The following ATRNL1 variants were observed in gnomAD, a reference collection of about 807,000 sequenced individuals.
ATRNL1 encodes attractin like 1.
A neutral mutation model predicts 182.7 loss-of-function variants in ATRNL1; 95 were observed. The observed-to-expected ratio is 0.52, with a 90% CI of 0.44 to 0.62. The LOEUF (loss-of-function observed/expected upper bound fraction) is 0.62, where lower values mean the gene tolerates loss of function less well. ATRNL1 is among the 20% of genes least tolerant of loss of function. The pLI is 0.00. For missense variants in ATRNL1, 1,471 were observed against 1,679.5 expected (o/e 0.88, Z 2.17); for synonymous variants, 576 against 568.3 (o/e 1.01, Z -0.19).
chr10:115,826,813 G>A (rs567951371), intron 27 of ATRNL1, among the ~76,000 whole-genome samples: 31 of 152,216 alleles, frequency 2.0e-4, no homozygotes, highest in African/African-American at 6.7e-4. Flanking sequence ...ATTAAAAAAT[G>A]ATAAAAAAGC....
At chr10:115,879,289 G>T (rs1459266633) in intron 28 of ATRNL1, among the ~76,000 whole-genome samples, 1 of 88,658 alleles carries the variant, frequency 1.1e-5, no homozygotes, top group African/African-American at 4.4e-5. Flanking sequence ...CCTGGGTGAC[G>T]TGCAACTCTC....
At chr10:115,132,074 T>C in intron 5 of ATRNL1, among the ~76,000 whole-genome samples, 1 of 139,084 alleles carries the variant, frequency 7.2e-6, no homozygotes, top group Non-Finnish European at 1.6e-5. Context: ...ATTCTATCCC[T>C]CCCCCCTCCC....
chr10:115,628,722 A>G (rs1858280160), intron 26 of ATRNL1, among the ~76,000 whole-genome samples: 1 of 152,098 alleles, frequency 6.6e-6, no homozygotes, highest in Non-Finnish European at 1.5e-5. Flanking sequence ...ATAATTAGGT[A>G]TTTGATCAAC....
At chr10:115,307,980 A>G (rs1278506669) in intron 17 of ATRNL1, among the ~76,000 whole-genome samples, 2 of 152,100 alleles carry the variant, frequency 1.3e-5, no homozygotes, top group Non-Finnish European at 2.9e-5. Flanking sequence ...TCTTTAAAAT[A>G]TTTTTATACT....
chr10:115,369,249 A>T (rs1317499268), intron 19 of ATRNL1, among the ~76,000 whole-genome samples: 4 of 134,208 alleles, frequency 3.0e-5, no homozygotes, highest in African/African-American at 8.3e-5. Flanking sequence ...TGTGATGAGG[A>T]TAGGGGTTGT....
intron 27 of ATRNL1, among the ~76,000 whole-genome samples, chr10:115,730,204 C>T (rs1947749232): frequency 7.7e-6 from 1 of 129,400 alleles, no homozygotes; most frequent in African/African-American, 3.0e-5. Flanking sequence ...TTGCAGTGAG[C>T]CAAGATTGCA....
intron 20 of ATRNL1, among the ~76,000 whole-genome samples, chr10:115,424,047 T>C (rs144079021): frequency 5.4e-4 from 82 of 152,286 alleles, no homozygotes; most frequent in African/African-American, 1.9e-3. Flanking sequence ...AAGGGATTAA[T>C]ATCCAGATAT....
chr10:115,914,007 G>A (rs557482348), intron 28 of ATRNL1, among the ~76,000 whole-genome samples: 1 of 152,198 alleles, frequency 6.6e-6, no homozygotes, highest in African/African-American at 2.4e-5. Context: ...TTTGGGGGAG[G>A]GACCTCATGG....
intron 27 of ATRNL1, among the ~76,000 whole-genome samples, chr10:115,744,927 A>G (rs192676254): frequency 2.6e-5 from 4 of 152,268 alleles, no homozygotes; most frequent in Admixed American, 1.3e-4. Context: ...AGAAAAATAT[A>G]TTATACAAAT....
At chr10:115,791,624 C>T (rs1369723006) in intron 27 of ATRNL1, among the ~76,000 whole-genome samples, 1 of 152,046 alleles carries the variant, frequency 6.6e-6, no homozygotes, top group Admixed American at 6.5e-5. Flanking sequence ...TAGATGAGTT[C>T]CTAGACCTAT....
At chr10:115,231,493 A>T (rs1554900002) in intron 9 of ATRNL1, among the ~76,000 whole-genome samples, 2 of 152,184 alleles carry the variant, frequency 1.3e-5, no homozygotes. Flanking sequence ...GAAACAGGGT[A>T]ACAAGTGGTA....
At chr10:115,801,520 A>G (rs1157019971) in intron 27 of ATRNL1, among the ~76,000 whole-genome samples, 1 of 152,138 alleles carries the variant, frequency 6.6e-6, no homozygotes, top group Non-Finnish European at 1.5e-5. Context: ...TTATCTTTGA[A>G]ATGCAGATTA....
chr10:115,871,397 T>G (rs1951576475), intron 28 of ATRNL1, among the ~76,000 whole-genome samples: 1 of 150,070 alleles, frequency 6.7e-6, no homozygotes, highest in Non-Finnish European at 1.5e-5. Flanking sequence ...TAAATCTCAC[T>G]GATAGGTTGA....
chr10:115,729,498 TGTG>T (rs1947721163), intron 27 of ATRNL1, among the ~76,000 whole-genome samples: 4 of 19,964 alleles, frequency 2.0e-4, no homozygotes, highest in Non-Finnish European at 7.9e-4. Flanking sequence ...CCCCATTTTG[TGTG>T]TGTGTGTGTG....
chr10:115,617,257 C>G (rs1857482131), intron 26 of ATRNL1, among the ~76,000 whole-genome samples: 1 of 152,208 alleles, frequency 6.6e-6, no homozygotes, highest in Non-Finnish European at 1.5e-5. Flanking sequence ...TGCATGGGGC[C>G]TGTAACCACT....
intron 27 of ATRNL1, among the ~76,000 whole-genome samples, chr10:115,728,602 A>G (rs1467507735): frequency 2.0e-5 from 3 of 152,182 alleles, no homozygotes; most frequent in African/African-American, 7.2e-5. Context: ...TACATATAAT[A>G]GATTCTGTCT....
At chr10:115,343,687 T>C (rs1052686023) in intron 19 of ATRNL1, among the ~76,000 whole-genome samples, 1 of 152,178 alleles carries the variant, frequency 6.6e-6, no homozygotes, top group Admixed American at 6.5e-5. Flanking sequence ...TTGATGCTAA[T>C]AGATGTTCTT....
intron 26 of ATRNL1, among the ~76,000 whole-genome samples, chr10:115,598,350 A>ATTATTTATTTATTTATTTATTTAT (rs35735636): frequency 6.0e-4 from 88 of 145,856 alleles, no homozygotes; most frequent in African/African-American, 2.0e-3. Context: ...ATTTAAAAAA[A>ATTATTTATTTATTTATTTATTTAT]TTATTTATTT....
chr10:115,437,140 A>G (rs1418612519), intron 21 of ATRNL1, among the ~76,000 whole-genome samples: 1 of 152,032 alleles, frequency 6.6e-6, no homozygotes. Context: ...AAAGGACAGC[A>G]TGTACAAAGG....
Sources: allele counts gnomAD v4.1 joint callset (sites outside exome capture counted in the v4.1 genomes callset), GRCh38; gene constraint gnomAD v4.1.1; transcripts MANE v1.5; gene names NCBI Gene and HGNC (gene_info 2026-07-23, HGNC 2026-07-21).